Variants in PPARGC1A observed in about 807,000 individuals in gnomAD.
The protein encoded by PPARGC1A is PPARG coactivator 1 alpha, also known as peroxisome proliferator-activated receptor gamma coactivator 1-alpha.
A neutral mutation model predicts 88.7 loss-of-function variants in PPARGC1A; 25 were observed. The ratio of observed to expected loss-of-function variants is 0.28; its 90% CI spans 0.21 to 0.39. The LOEUF is 0.39. PPARGC1A is among the 10% of genes least tolerant of loss of function. PPARGC1A has a pLI of 1.00. For missense variants in PPARGC1A, 880 were observed against 968.7 expected (o/e 0.91, Z 1.22); for synonymous variants, 363 against 355.6 (o/e 1.02, Z -0.24).
the PPARGC1A span, among the ~76,000 whole-genome samples, chr4:24,424,431 A>T: frequency 3.3e-5 from 5 of 151,778 alleles, no homozygotes; most frequent in South Asian, 4.2e-4. Flanking sequence ...GCCCGCCACC[A>T]TGCCCGGCTA....
chr4:24,091,898 A>T, the PPARGC1A span, among the ~76,000 whole-genome samples: 1 of 146,570 alleles, frequency 6.8e-6, no homozygotes, highest in Admixed American at 6.8e-5. Flanking sequence ...ATGCATTTCT[A>T]TGTGTGCTCC....
At chr4:24,085,315 C>T in the PPARGC1A span, among the ~76,000 whole-genome samples, 1 of 152,178 alleles carries the variant, frequency 6.6e-6, no homozygotes, top group African/African-American at 2.4e-5. Context: ...TAAAACCTTG[C>T]ACTTGTAGAA....
the PPARGC1A span, among the ~76,000 whole-genome samples, chr4:24,467,060 AAG>A: frequency 3.2e-4 from 43 of 136,308 alleles, no homozygotes; most frequent in Non-Finnish European, 1.8e-4. Flanking sequence ...AAAAGAAAGA[AAG>A]AGAAAGAAAG....
upstream of PPARGC1A, among the ~76,000 whole-genome samples, chr4:23,904,692 C>T (rs1482259147): frequency 6.6e-6 from 1 of 152,148 alleles, no homozygotes. Flanking sequence ...CTTAAAATCA[C>T]ATGCACAGAG....
the PPARGC1A span, among the ~76,000 whole-genome samples, chr4:23,985,566 T>A: frequency 2.6e-5 from 4 of 151,834 alleles, no homozygotes; most frequent in East Asian, 7.8e-4. Context: ...AGACATGTAG[T>A]AAGCAGAGAT....
the PPARGC1A span, among the ~76,000 whole-genome samples, chr4:24,240,637 ATTAATT>A: frequency 3.9e-5 from 6 of 152,202 alleles, no homozygotes; most frequent in Non-Finnish European, 8.8e-5. Context: ...GCACAAACTG[ATTAATT>A]TTATTTCCCA....
the PPARGC1A span, among the ~76,000 whole-genome samples, chr4:24,417,766 A>G: frequency 1.3e-5 from 2 of 152,200 alleles, no homozygotes; most frequent in Non-Finnish European, 2.9e-5. Flanking sequence ...ATTATAAAAC[A>G]TGATCTTTTT....
the PPARGC1A span, among the ~76,000 whole-genome samples, chr4:24,232,296 G>A: frequency 7.9e-5 from 12 of 151,918 alleles, no homozygotes; most frequent in East Asian, 1.2e-3. Context: ...AAATCACATC[G>A]TTCCCTTCTC....
At chr4:24,072,872 T>C in the PPARGC1A span, among the ~76,000 whole-genome samples, 1 of 151,916 alleles carries the variant, frequency 6.6e-6, no homozygotes, top group African/African-American at 2.4e-5. Flanking sequence ...AGAATAGTGT[T>C]CCTTTAGTTT....
chr4:24,340,383 TTC>T, the PPARGC1A span, among the ~76,000 whole-genome samples: 3 of 152,204 alleles, frequency 2.0e-5, no homozygotes, highest in Admixed American at 2.0e-4. Flanking sequence ...GACTGGCTAT[TTC>T]TCTGTAAGAT....
At chr4:23,898,980 C>A (rs1345004332) in intron 1 of PPARGC1A, among the ~76,000 whole-genome samples, 4 of 151,790 alleles carry the variant, frequency 2.6e-5, no homozygotes, top group Non-Finnish European at 5.9e-5. Context: ...GGATTACAGG[C>A]GAGCACCACG....
chr4:23,952,577 C>T, the PPARGC1A span, among the ~76,000 whole-genome samples: 1 of 152,050 alleles, frequency 6.6e-6, no homozygotes, highest in African/African-American at 2.4e-5. Context: ...TCTTTTTTAC[C>T]TTTGGCCCTA....
the PPARGC1A span, among the ~76,000 whole-genome samples, chr4:24,185,201 A>G: frequency 6.6e-6 from 1 of 152,178 alleles, no homozygotes; most frequent in Non-Finnish European, 1.5e-5. Flanking sequence ...AGTTCCTGAA[A>G]CTTGAGTAAT....
At chr4:24,210,968 C>T in the PPARGC1A span, among the ~76,000 whole-genome samples, 1 of 152,176 alleles carries the variant, frequency 6.6e-6, no homozygotes, top group Non-Finnish European at 1.5e-5. Flanking sequence ...ACAATAATAG[C>T]TCACCATTTT....
the PPARGC1A span, among the ~76,000 whole-genome samples, chr4:24,073,886 A>G: frequency 6.6e-6 from 1 of 152,116 alleles, no homozygotes; most frequent in East Asian, 1.9e-4. Flanking sequence ...AAATGTGAGC[A>G]TGTGGTGGTG....
the PPARGC1A span, among the ~76,000 whole-genome samples, chr4:24,358,367 G>T: frequency 6.6e-6 from 1 of 152,176 alleles, no homozygotes. Context: ...GATAACTGAG[G>T]CAACAGGAAG....
At chr4:24,042,609 G>A in the PPARGC1A span, among the ~76,000 whole-genome samples, 38 of 152,274 alleles carry the variant, frequency 2.5e-4, no homozygotes, top group East Asian at 1.4e-3. Flanking sequence ...AATAGATACC[G>A]GACCACATAA....
chr4:24,250,029 A>T, the PPARGC1A span, among the ~76,000 whole-genome samples: 5 of 152,202 alleles, frequency 3.3e-5, no homozygotes, highest in African/African-American at 1.2e-4. Flanking sequence ...GTGGGAACAG[A>T]GAGGCAAAAA....
the PPARGC1A span, among the ~76,000 whole-genome samples, chr4:24,057,158 T>G: frequency 2.0e-5 from 3 of 152,272 alleles, no homozygotes; most frequent in African/African-American, 7.2e-5. Flanking sequence ...ACAGCTTGGA[T>G]GAAACTTAAA....
Sources: gnomAD v4.1 joint callset for allele counts (sites outside exome capture counted in the v4.1 genomes callset) on GRCh38, gnomAD v4.1.1 for gene constraint, MANE v1.5 for transcripts, NCBI Gene and HGNC (gene_info 2026-07-23, HGNC 2026-07-21) for gene names.